PRTFDC1: variants seen among roughly 807,000 people sequenced by gnomAD.
PRTFDC1 encodes the protein phosphoribosyltransferase domain-containing protein 1.
PRTFDC1 carries 38 observed loss-of-function variants against 34.6 expected under a neutral mutation model. The ratio of observed to expected loss-of-function variants is 1.10; its 90% CI spans 0.85 to 1.44. The LOEUF (loss-of-function observed/expected upper bound fraction) is 1.44, where lower values mean the gene tolerates loss of function less well. Ranked by LOEUF, PRTFDC1 falls within the 40% of genes most tolerant of loss-of-function variation. PRTFDC1 has a pLI of 0.00. For missense variants in PRTFDC1, 270 were observed against 283.0 expected, an observed-to-expected ratio of 0.95 and a Z score of 0.33; for synonymous variants, 93 against 98.1, an observed-to-expected ratio of 0.95 and a Z score of 0.31.
In PRTFDC1 at chr10:24,897,349, A is replaced by G. The variant is rs146991955; in HGVS notation, c.340-25286T>C. ...ATCCCTATCCCTAAGTCTAAATTTA[A>G]CAAAAACCAAACAAAATAAAAAGGT... On this transcript the variant is annotated intron_variant, in intron 3 of 8. Transcript: ENST00000320152. 1.7e-3 allele frequency among the ~76,000 whole-genome samples: 262 copies of G among 152,324 alleles called. 1 individual carries two copies. The highest frequency in any genetic ancestry group is 5.2e-3 in the African/African-American group (215 of 41,572).
At chr10:24,880,094 G>T in intron 3 of PRTFDC1, among the ~76,000 whole-genome samples, 1 of 152,172 alleles carries the variant, frequency 6.6e-6, no homozygotes, top group East Asian at 1.9e-4. Context: ...TGAATAAAAA[G>T]AGTACATTCA....
intron 3 of PRTFDC1, among the ~76,000 whole-genome samples, chr10:24,880,728 C>T (rs1374744300): frequency 1.3e-5 from 2 of 152,176 alleles, no homozygotes; most frequent in Non-Finnish European, 2.9e-5. Context: ...TCTCAGTGAA[C>T]CCCCAGTTCC....
intron 3 of PRTFDC1, among the ~76,000 whole-genome samples, chr10:24,885,871 A>C (rs1350617118): frequency 6.6e-6 from 1 of 152,248 alleles, no homozygotes; most frequent in Non-Finnish European, 1.5e-5. Flanking sequence ...GCATATTACT[A>C]AGTGAAAGAA....
At chr10:24,893,035 C>CA (rs1848291830) in intron 3 of PRTFDC1, among the ~76,000 whole-genome samples, 1 of 152,112 alleles carries the variant, frequency 6.6e-6, no homozygotes, top group African/African-American at 2.4e-5. Context: ...TTTGCTCATA[C>CA]AGTATCAGTC....
At chr10:24,913,375 T>A (rs1333900418) in intron 3 of PRTFDC1, among the ~76,000 whole-genome samples, 1 of 152,200 alleles carries the variant, frequency 6.6e-6, no homozygotes, top group Admixed American at 6.5e-5. Flanking sequence ...ATTTATTAGG[T>A]TTATAAGATG....
In PRTFDC1 at chr10:24,952,396, TC is replaced by T; in HGVS notation, c.48+131del. On this transcript the variant is annotated intron_variant, in intron 1 of 8. Coordinates refer to ENST00000320152, the MANE Select transcript of PRTFDC1 (RefSeq NM_020200.7). The surrounding 1 kb of genome is among the most constrained non-coding windows in gnomAD (Gnocchi z 5.1). ...GGCCCGGGTCCGAGGATGGAAGCGA[TC>T]CCCGCCGGGAGGGAGAACAAAGCGG... 1 of 1,079,228 alleles carries T rather than the reference TC, an allele frequency of 9.3e-7. No individual in the cohort carries two copies. The highest frequency in any genetic ancestry group is 1.4e-6 in the Non-Finnish European group (1 of 730,862). 66.9% of individuals were successfully genotyped at this position (1,079,228 alleles called of 1,614,324 possible). A position where few individuals can be genotyped will look rare whatever the true frequency, so the allele number is the denominator to read the frequency against.
At chr10:24,915,341 C>T (rs1848679663) in intron 3 of PRTFDC1, among the ~76,000 whole-genome samples, 1 of 152,146 alleles carries the variant, frequency 6.6e-6, no homozygotes, top group African/African-American at 2.4e-5. Flanking sequence ...CTTTAATGTG[C>T]TTCCAAATAA....
At chr10:24,945,655 C>T (rs1849240431) in intron 1 of PRTFDC1, among the ~76,000 whole-genome samples, 1 of 152,110 alleles carries the variant, frequency 6.6e-6, no homozygotes, top group East Asian at 1.9e-4. Context: ...CGAGGTCTGG[C>T]TATGTTGCCC....
chr10:24,919,679 T>C (rs1014679424), intron 3 of PRTFDC1, among the ~76,000 whole-genome samples: 4 of 152,124 alleles, frequency 2.6e-5, no homozygotes, highest in African/African-American at 9.7e-5. Context: ...AAGAAACTAT[T>C]GTCAGAGTGA....
At chr10:24,921,286 TG>T (rs894692946) in intron 3 of PRTFDC1, among the ~76,000 whole-genome samples, 4 of 152,270 alleles carry the variant, frequency 2.6e-5, no homozygotes, top group South Asian at 2.1e-4. Context: ...ATGTGAATTT[TG>T]GAAGTGTGAG....
Position 24,895,688 on chromosome 10 carries a change from GATATATAT to G in PRTFDC1, c.340-23633_340-23626del, listed in dbSNP as rs762084915. The stretch of plus-strand genomic sequence containing the variant: ...ACCTAGGAGGGCAAGAGCTGGGGTG[GATATATAT>G]ATATATATATATATATATATATATA... On this transcript the variant is annotated intron_variant, in intron 3 of 8. Coordinates refer to ENST00000320152, the MANE Select transcript of PRTFDC1 (RefSeq NM_020200.7). Among the ~76,000 whole-genome samples the G allele has an allele frequency of 7.7e-3, 364 of 47,412 alleles. 1 individual carries two copies. The highest frequency in any genetic ancestry group is 9.6e-3 in the East Asian group (13 of 1,350). 31.1% of individuals were successfully genotyped at this position (47,412 alleles called of 152,430 possible).
intron 3 of PRTFDC1, among the ~76,000 whole-genome samples, chr10:24,889,232 G>A (rs753894205): frequency 2.4e-4 from 37 of 152,030 alleles, no homozygotes; most frequent in Non-Finnish European, 5.0e-4. Context: ...CATGAAAGTG[G>A]GACCTCGTCT....
At chr10:24,951,648 C>A in intron 1 of PRTFDC1, 5 of 976,780 alleles carry the variant, frequency 5.1e-6, no homozygotes, top group Non-Finnish European at 6.1e-6. Flanking sequence ...ACCATCCTCA[C>A]CACCATTGAG....
At chr10:24,867,860 G>C (rs981892219) in intron 4 of PRTFDC1, 4 of 149,754 alleles carry the variant, frequency 2.7e-5, no homozygotes, top group African/African-American at 9.9e-5. Flanking sequence ...CTAGAGTGCA[G>C]TGGCATGATC....
At chr10:24,852,306 C>T (rs539402800) in intron 7 of PRTFDC1, among the ~76,000 whole-genome samples, 8 of 152,228 alleles carry the variant, frequency 5.3e-5, no homozygotes, top group Admixed American at 2.0e-4. Flanking sequence ...ACGTGTGCCA[C>T]CATGCCAGGC....
chr10:24,947,700 A>C (rs1194164627), intron 1 of PRTFDC1, among the ~76,000 whole-genome samples: 1 of 151,970 alleles, frequency 6.6e-6, no homozygotes, highest in East Asian at 1.9e-4. Context: ...ACAAGAAGCT[A>C]ATCTCTGCTC....
chr10:24,882,215 A>AAAAAAG (rs533339656), intron 3 of PRTFDC1, among the ~76,000 whole-genome samples: 15,476 of 146,046 alleles, frequency 0.11, 1,254 homozygotes, highest in Non-Finnish European at 0.16. Context: ...AAAAAAAAAA[A>AAAAAAG]AAAAGAAAAG....
intron 2 of PRTFDC1, among the ~76,000 whole-genome samples, chr10:24,937,921 G>C (rs1320314808): frequency 1.3e-5 from 2 of 151,996 alleles, no homozygotes; most frequent in Non-Finnish European, 2.9e-5. Context: ...TATCTGGCAT[G>C]CTCCTTAAAA....
At chr10:24,929,596 T>C (rs1848940229) in intron 3 of PRTFDC1, among the ~76,000 whole-genome samples, 1 of 152,184 alleles carries the variant, frequency 6.6e-6, no homozygotes. Context: ...GTTTGAAGAT[T>C]GTATTTTGTA....
Sources: gnomAD v4.1 joint callset for allele counts (sites outside exome capture counted in the v4.1 genomes callset) on GRCh38, gnomAD v4.1.1 for gene constraint, Gnocchi (gnomAD v3.1) non-coding constraint, MANE v1.5 for transcripts, NCBI Gene and HGNC (gene_info 2026-07-23, HGNC 2026-07-21) for gene names.